ADGRL3: variants seen among roughly 807,000 people sequenced by gnomAD.
The protein encoded by ADGRL3 is adhesion G protein-coupled receptor L3, also known as calcium-independent alpha-latrotoxin receptor 3.
A neutral mutation model predicts 153.5 loss-of-function variants in ADGRL3; 62 were observed. That is an observed-to-expected ratio of 0.40 (90% CI 0.33 to 0.50). The LOEUF (loss-of-function observed/expected upper bound fraction) is 0.50. Ranked by LOEUF, ADGRL3 falls within the 20% of genes least tolerant of loss-of-function variation. The pLI is 0.47. For synonymous variants in ADGRL3, 710 were observed against 672.5 expected, an observed-to-expected ratio of 1.06 and a Z score of -0.86; for missense variants, 1,641 against 1,859.4, an observed-to-expected ratio of 0.88 and a Z score of 2.16.
At position 61,919,456 on chromosome 4, in the gene ADGRL3, A is replaced by G. The variant is rs2098758455; in HGVS notation, c.2112+6699A>G. On this transcript the variant is annotated intron_variant, in intron 13 of 26. Coordinates refer to ENST00000683033, the MANE Select transcript of ADGRL3 (RefSeq NM_001387552.1). ...CACCCTGCATGTTTCTGGTGCCCTA[A>G]ACCTATTGTTAAAAGACATTGAGAT... Among the ~76,000 whole-genome samples the G allele has an allele frequency of 2.0e-5, 3 of 152,178 alleles. No individual in the cohort carries two copies. The South Asian group carries it at 6.2e-4, about 31-fold the overall frequency.
chr4:61,530,790 A>G (rs533189961), intron 4 of ADGRL3, among the ~76,000 whole-genome samples: 4 of 152,222 alleles, frequency 2.6e-5, no homozygotes, highest in Non-Finnish European at 5.9e-5. Flanking sequence ...AGAATATTGG[A>G]AACATATTCA....
At chr4:61,777,977 T>G (rs1221247571) in intron 8 of ADGRL3, among the ~76,000 whole-genome samples, 1 of 152,114 alleles carries the variant, frequency 6.6e-6, no homozygotes, top group Non-Finnish European at 1.5e-5. Context: ...AGATTGAGCA[T>G]CTCTAACGTG....
chr4:61,442,463 CTGT>C (rs1489204330), intron 2 of ADGRL3, among the ~76,000 whole-genome samples: 15 of 152,074 alleles, frequency 9.9e-5, no homozygotes, highest in African/African-American at 3.6e-4. Context: ...TTGTGACACA[CTGT>C]AATTGTTAGA....
At chr4:61,973,470 T>G (rs2150707112) in intron 17 of ADGRL3, among the ~76,000 whole-genome samples, 1 of 152,210 alleles carries the variant, frequency 6.6e-6, no homozygotes, top group African/African-American at 2.4e-5. Flanking sequence ...TACAAATATT[T>G]TACAAAATAT....
intron 9 of ADGRL3, among the ~76,000 whole-genome samples, chr4:61,820,266 A>G (rs2097736133): frequency 6.6e-6 from 1 of 152,182 alleles, no homozygotes; most frequent in Middle Eastern, 3.2e-3. Flanking sequence ...TGTTCTTTAA[A>G]TCTAATGTGT....
intron 9 of ADGRL3, among the ~76,000 whole-genome samples, chr4:61,834,592 T>A (rs1435167177): frequency 6.6e-6 from 1 of 152,108 alleles, no homozygotes; most frequent in Non-Finnish European, 1.5e-5. Flanking sequence ...GTGTAGGCTA[T>A]GACGATGGGA....
chr4:61,731,838 T>A (rs1214450331), intron 7 of ADGRL3, among the ~76,000 whole-genome samples: 2 of 152,116 alleles, frequency 1.3e-5, no homozygotes, highest in Admixed American at 6.6e-5. Flanking sequence ...TACAGATGAA[T>A]CAGCCAGGCT....
At chr4:61,304,971 G>A (rs2094719495) in intron 1 of ADGRL3, among the ~76,000 whole-genome samples, 13 of 152,142 alleles carry the variant, frequency 8.5e-5, no homozygotes, top group Admixed American at 8.5e-4. Context: ...GTTGTCTTTG[G>A]AGACTACTGC....
At chr4:61,368,755 A>G (rs1311600704) in intron 1 of ADGRL3, among the ~76,000 whole-genome samples, 5 of 152,098 alleles carry the variant, frequency 3.3e-5, no homozygotes, top group Admixed American at 2.6e-4. Flanking sequence ...GTTTTTTCCA[A>G]TTCTGTGAAG....
chr4:61,327,675 G>T, intron 1 of ADGRL3, among the ~76,000 whole-genome samples: 1 of 151,956 alleles, frequency 6.6e-6, no homozygotes, highest in East Asian at 1.9e-4. Context: ...AATAAGAGGT[G>T]AAATGAATGG....
chr4:61,743,324 C>T (rs1318966034), intron 8 of ADGRL3, among the ~76,000 whole-genome samples: 2 of 50,854 alleles, frequency 3.9e-5, no homozygotes, highest in African/African-American at 1.0e-4. Context: ...GACTCCATCT[C>T]AAAAAAAAAA....
Position 61,315,812 on chromosome 4 carries a change from T to C in ADGRL3, c.-239-67312T>C, listed in dbSNP as rs187339374. On this transcript the variant is annotated intron_variant, in intron 1 of 26. Coordinates refer to ENST00000683033, the MANE Select transcript of ADGRL3 (RefSeq NM_001387552.1). ...TAAAGGATCCTCAAGATAATGCTACTTCTTGGCAACAAGTTAAATGCCAAA... is the reference window on the plus strand; with the variant it reads ...TAAAGGATCCTCAAGATAATGCTACCTCTTGGCAACAAGTTAAATGCCAAA... Among the ~76,000 whole-genome samples, 3 of 152,312 alleles carry C rather than the reference T, an allele frequency of 2.0e-5. No homozygotes were observed. In the East Asian group the frequency reaches 5.8e-4, roughly 30 times the overall value.
At chr4:61,984,755 A>G (rs1359054030) in intron 19 of ADGRL3, among the ~76,000 whole-genome samples, 1 of 152,118 alleles carries the variant, frequency 6.6e-6, no homozygotes, top group Admixed American at 6.6e-5. Context: ...CAAGTGATCC[A>G]CCTGCCTCAG....
At chr4:61,817,303 G>C (rs1468316086) in intron 9 of ADGRL3, among the ~76,000 whole-genome samples, 1 of 152,226 alleles carries the variant, frequency 6.6e-6, no homozygotes, top group African/African-American at 2.4e-5. Flanking sequence ...GGGTTGGGCT[G>C]CCAGTTCTGG....
intron 5 of ADGRL3, among the ~76,000 whole-genome samples, chr4:61,647,625 A>G (rs1166914952): frequency 6.6e-6 from 1 of 152,172 alleles, no homozygotes; most frequent in Non-Finnish European, 1.5e-5. Flanking sequence ...AATTCTGCAT[A>G]AGAGCTGATA....
At chr4:61,207,186 C>T (rs1225349467) in intron 1 of ADGRL3, among the ~76,000 whole-genome samples, 1 of 152,048 alleles carries the variant, frequency 6.6e-6, no homozygotes, top group Non-Finnish European at 1.5e-5. Flanking sequence ...TCTCCTAATG[C>T]TATCCCTCCC....
At chr4:61,467,516 G>A (rs991041462) in intron 2 of ADGRL3, among the ~76,000 whole-genome samples, 5 of 151,724 alleles carry the variant, frequency 3.3e-5, no homozygotes, top group African/African-American at 1.2e-4. Flanking sequence ...GATGAAGGGA[G>A]GGAGGGAGAG....
chr4:61,834,559 T>G (rs2097911790), intron 9 of ADGRL3, among the ~76,000 whole-genome samples: 1 of 152,056 alleles, frequency 6.6e-6, no homozygotes, highest in Admixed American at 6.6e-5. Context: ...TCCCTTTGGG[T>G]TTTAAAACTT....
At chr4:61,452,846 T>A (rs1315655657) in intron 2 of ADGRL3, among the ~76,000 whole-genome samples, 2 of 152,130 alleles carry the variant, frequency 1.3e-5, no homozygotes, top group African/African-American at 2.4e-5. Context: ...TGTCAACATG[T>A]AAAATGGCTT....
Sources: gnomAD v4.1 joint callset for allele counts (sites outside exome capture counted in the v4.1 genomes callset) on GRCh38, gnomAD v4.1.1 for gene constraint, MANE v1.5 for transcripts, NCBI Gene and HGNC (gene_info 2026-07-23, HGNC 2026-07-21) for gene names.